The following TOP1 variants were observed in gnomAD, a reference collection of about 807,000 sequenced individuals.
The protein encoded by TOP1 is DNA topoisomerase I.
A neutral mutation model predicts 111.1 loss-of-function variants in TOP1; 10 were observed. The ratio of observed to expected loss-of-function variants is 0.09; its 90% confidence interval spans 0.06 to 0.15. TOP1 has a LOEUF of 0.15. Ranked by LOEUF, TOP1 falls within the 10% of genes least tolerant of loss-of-function variation. The pLI, the probability that TOP1 is intolerant of heterozygous loss-of-function variation, is 1.00. For missense variants in TOP1, 474 were observed against 926.7 expected (o/e 0.51, Z 6.34); for synonymous variants, 271 against 302.9 (o/e 0.89, Z 1.10).
chr20:41,121,291 G>C lies in TOP1; in HGVS notation c.1951-405G>C, dbSNP rs1022212824. ...GTATCCTGCTTCAGTTTCCTAAAGAGGAGCTCCTACAGTGTTCTTAGAATG... is the reference window on the plus strand; with the variant it reads ...GTATCCTGCTTCAGTTTCCTAAAGACGAGCTCCTACAGTGTTCTTAGAATG... On this transcript the variant is annotated intron_variant, in intron 18 of 20. Coordinates refer to ENST00000361337, the MANE Select transcript of TOP1 (RefSeq NM_003286.4). This position sits in a 1 kb window ranked among gnomAD's most constrained non-coding sequence, Gnocchi z 4.2. Among the ~76,000 whole-genome samples, 2 of 152,172 alleles carry C rather than the reference G, an allele frequency of 1.3e-5. No individual in the cohort carries two copies. The highest frequency in any genetic ancestry group is 2.4e-5 in the African/African-American group (1 of 41,438).
At chr20:41,075,882 G>T (rs2033721042) in intron 3 of TOP1, among the ~76,000 whole-genome samples, 1 of 152,122 alleles carries the variant, frequency 6.6e-6, no homozygotes, top group Non-Finnish European at 1.5e-5. Flanking sequence ...TATTGTTTTT[G>T]TGCTGGTAGA....
At position 41,046,999 on chromosome 20, in the gene TOP1, A is replaced by G. The variant is rs1168785499; in HGVS notation, c.59-14395A>G. Among the ~76,000 whole-genome samples the G allele has an allele frequency of 6.6e-6, 1 of 152,220 alleles. No homozygotes were observed. Among genetic ancestry groups the G allele is most frequent in the African/African-American group, 2.4e-5 (1 of 41,454 alleles). The stretch of plus-strand genomic sequence containing the variant: ...CATGAGCTGTGTGCAGGGAGAGAAG[A>G]GAGACGAGAACAAGTTAGCAGAAAG... On this transcript the variant is annotated intron_variant, in intron 2 of 20. Coordinates refer to ENST00000361337, the MANE Select transcript of TOP1 (RefSeq NM_003286.4). This position sits in a 1 kb window ranked among gnomAD's most constrained non-coding sequence, Gnocchi z 4.3.
intron 3 of TOP1, among the ~76,000 whole-genome samples, chr20:41,070,298 C>A (rs2033655435): frequency 6.6e-6 from 1 of 152,184 alleles, no homozygotes; most frequent in African/African-American, 2.4e-5. Flanking sequence ...TGGGCACATC[C>A]TTTTATCCTC....
intron 3 of TOP1, among the ~76,000 whole-genome samples, chr20:41,075,430 C>T (rs538550339): frequency 2.0e-4 from 31 of 152,220 alleles, no homozygotes; most frequent in Non-Finnish European, 3.2e-4. Context: ...CTCGGCCTTC[C>T]AAAGTGCTGG....
At chr20:41,040,824 AGAC>A (rs1211456860) in intron 2 of TOP1, among the ~76,000 whole-genome samples, 50 of 149,750 alleles carry the variant, frequency 3.3e-4, no homozygotes, top group Middle Eastern at 3.4e-3. Context: ...AAAAAAAAAA[AGAC>A]CATGTTAGGT....
chr20:41,054,859 C>T (rs1455998480), intron 2 of TOP1, among the ~76,000 whole-genome samples: 1 of 152,134 alleles, frequency 6.6e-6, no homozygotes, highest in Non-Finnish European at 1.5e-5. Context: ...CACATTAGCC[C>T]TCAACTCCTG....
At chr20:41,075,786 C>G (rs2033720180) in intron 3 of TOP1, among the ~76,000 whole-genome samples, 1 of 152,236 alleles carries the variant, frequency 6.6e-6, no homozygotes, top group African/African-American at 2.4e-5. Flanking sequence ...TGTTTCAAGT[C>G]TGGCACAAAG....
chr20:41,103,798 C>A (rs148759862), intron 13 of TOP1, among the ~76,000 whole-genome samples: 1 of 152,214 alleles, frequency 6.6e-6, no homozygotes, highest in East Asian at 1.9e-4. Flanking sequence ...ATTAGAAACA[C>A]CCATTCTCCT....
intron 14 of TOP1, 100 bp downstream of exon 14, chr20:41,113,025 C>A: frequency 8.3e-7 from 1 of 1,198,148 alleles, no homozygotes; most frequent in South Asian, 1.6e-5. Context: ...TATCACAACT[C>A]AACATACATA....
At position 41,063,565 on chromosome 20, in the gene TOP1, A is replaced by G. The variant is rs191031876; in HGVS notation, c.155+2075A>G. The stretch of plus-strand genomic sequence containing the variant: ...TAATTTACATTCTCATCAACAGTGT[A>G]TAAGTGTTCCCTTTTTTCTGCAGCC... On this transcript the variant is annotated intron_variant, in intron 3 of 20. Transcript: ENST00000361337. Among the ~76,000 whole-genome samples, 30 of 152,330 alleles carry G rather than the reference A, an allele frequency of 2.0e-4. No homozygotes were observed. In the East Asian group the frequency reaches 5.6e-3, roughly 28 times the overall value.
Position 41,061,641 on chromosome 20 carries a change from C to T in TOP1, c.155+151C>T. On this transcript the variant is annotated intron_variant, in intron 3 of 20. Transcript: ENST00000361337. This position sits in a 1 kb window ranked among gnomAD's most constrained non-coding sequence, Gnocchi z 4.6. Reference sequence around the variant, plus strand: ...ATCCTAGAGTTGCTATGAGGATGGCCATGATTTAGGCCTTAAATGGGATGC... The same window carrying T: ...ATCCTAGAGTTGCTATGAGGATGGCTATGATTTAGGCCTTAAATGGGATGC... The T allele has an allele frequency of 3.0e-6, 2 of 667,316 alleles. No individual in the cohort carries two copies. Among genetic ancestry groups the T allele is most frequent in the East Asian group, 2.8e-5 (1 of 36,354 alleles). The allele number at this position is 667,316 out of a possible 1,614,324, so 41.3% of individuals were successfully genotyped here.
rs1015366748 is a variant in TOP1, at chr20:41,067,493, G to A, written c.155+6003G>A. On this transcript the variant is annotated intron_variant, in intron 3 of 20. Coordinates refer to ENST00000361337, the MANE Select transcript of TOP1 (RefSeq NM_003286.4). This position sits in a 1 kb window ranked among gnomAD's most constrained non-coding sequence, Gnocchi z 4.0. ...TTTTTAAATAGTTTAGGGTTTCTTC[G>A]ATTTCTTCTGTAGCAGATTAAAGAA... Among the ~76,000 whole-genome samples the A allele has an allele frequency of 6.6e-6, 1 of 152,062 alleles. No homozygotes were observed. Among genetic ancestry groups the A allele is most frequent in the Non-Finnish European group, 1.5e-5 (1 of 68,018 alleles).
In TOP1 at chr20:41,072,676, G is replaced by A. The variant is rs529587534; in HGVS notation, c.156-3495G>A. 3.0e-6 allele frequency: 3 copies of A among 985,416 alleles called. No homozygotes were observed. The Admixed American group carries it at 1.8e-4, about 61-fold the overall frequency. 61.0% of individuals were successfully genotyped at this position (985,416 alleles called of 1,614,324 possible). A position where few individuals can be genotyped will look rare whatever the true frequency, so the allele number is the denominator to read the frequency against. On this transcript the variant is annotated intron_variant, in intron 3 of 20. Transcript: ENST00000361337. ...TTTGGGGGTTATGGATGCCAGGTTG[G>A]GCTCCAGGCACTCTGCTCTCCATTT...
chr20:41,077,287 T>A (rs1484649014), intron 4 of TOP1, among the ~76,000 whole-genome samples: 1 of 152,204 alleles, frequency 6.6e-6, no homozygotes, highest in Admixed American at 6.5e-5. Flanking sequence ...TGGCAAATTC[T>A]TGAGTAGTGG....
chr20:41,091,835 A>G (rs1355845913), intron 8 of TOP1, among the ~76,000 whole-genome samples: 2 of 152,136 alleles, frequency 1.3e-5, no homozygotes, highest in Non-Finnish European at 2.9e-5. Context: ...AAGTGCTGGG[A>G]TTACAGGCGT....
chr20:41,075,608 G>C (rs1465475200), intron 3 of TOP1, among the ~76,000 whole-genome samples: 2 of 152,128 alleles, frequency 1.3e-5, no homozygotes, highest in Admixed American at 1.3e-4. Context: ...CTTTAACAAA[G>C]AACATTCCTA....
At chr20:41,040,158 A>C (rs1568671255) in intron 2 of TOP1, among the ~76,000 whole-genome samples, 3 of 152,258 alleles carry the variant, frequency 2.0e-5, no homozygotes, top group Non-Finnish European at 2.9e-5. Context: ...GAAACTATTG[A>C]AATATTATTG....
At chr20:41,084,619 T>C (rs2033826610) in intron 8 of TOP1, 51 bp downstream of exon 8, 1 of 1,063,810 alleles carries the variant, frequency 9.4e-7, no homozygotes, top group Non-Finnish European at 1.4e-6. Flanking sequence ...TGCATATCCT[T>C]ACGAAGCAAG....
rs1177027374 is a variant in TOP1, at chr20:41,098,434, T to C, written c.975+97T>C. 7.7e-7 allele frequency: 1 copy of C among 1,295,144 alleles called. No individual in the cohort carries two copies. Among genetic ancestry groups the C allele is most frequent in the Non-Finnish European group, 1.1e-6 (1 of 927,094 alleles). 80.2% of individuals were successfully genotyped at this position (1,295,144 alleles called of 1,614,324 possible). On this transcript the variant is annotated intron_variant, in intron 11 of 20. Transcript: ENST00000361337. The surrounding 1 kb of genome is among the most constrained non-coding windows in gnomAD (Gnocchi z 5.7). ...TCTTATGACACAACATTAACATCAG[T>C]AATTTCACATCATTCTATGCTAAAG...
Sources: allele counts gnomAD v4.1 joint callset (sites outside exome capture counted in the v4.1 genomes callset), GRCh38; gene constraint gnomAD v4.1.1; non-coding constraint Gnocchi (gnomAD v3.1); transcripts MANE v1.5; gene names NCBI Gene and HGNC (gene_info 2026-07-23, HGNC 2026-07-21).